The following FARS2 variants were observed in gnomAD, a reference collection of about 807,000 sequenced individuals.
FARS2 encodes the protein phenylalanine--tRNA ligase, mitochondrial.
FARS2 carries 40 observed loss-of-function variants against 46.4 expected under a neutral mutation model. That is an observed-to-expected ratio of 0.86 (90% CI 0.67 to 1.12). The LOEUF (loss-of-function observed/expected upper bound fraction) is 1.12. Ranked by LOEUF, FARS2 falls within the 50% of genes most tolerant of loss-of-function variation. The probability of loss-of-function intolerance (pLI) is 0.00; values close to 1 mark genes in which losing one functional copy is unlikely to be tolerated. For missense variants in FARS2, 513 were observed against 567.9 expected (o/e 0.90, Z 0.98); for synonymous variants, 234 against 214.9 (o/e 1.09, Z -0.78).
At chr6:5,289,968 G>A (rs552419255) in intron 1 of FARS2, among the ~76,000 whole-genome samples, 1 of 152,234 alleles carries the variant, frequency 6.6e-6, no homozygotes, top group East Asian at 1.9e-4. Flanking sequence ...CAAAACAGAA[G>A]GAATTCCACT....
intron 3 of FARS2, among the ~76,000 whole-genome samples, chr6:5,426,290 A>G (rs934621568): frequency 3.9e-5 from 6 of 152,206 alleles, no homozygotes; most frequent in African/African-American, 7.2e-5. Flanking sequence ...ATGAATCCAT[A>G]TGATTTGGAT....
chr6:5,275,437 G>C lies in FARS2; in HGVS notation c.-22+13777G>C, dbSNP rs544284755. 3.0e-4 allele frequency among the ~76,000 whole-genome samples: 46 copies of C among 152,132 alleles called. No homozygotes were observed. The South Asian group carries it at 7.3e-3, about 24-fold the overall frequency. On this transcript the variant is annotated intron_variant, in intron 1 of 6. Transcript: ENST00000274680. ...TACAAAGTAGATCTACATAATAGAA[G>C]GTTCCTGGTTTAATGTTGAGTTCTC...
chr6:5,699,588 A>G (rs1250074929), intron 6 of FARS2, among the ~76,000 whole-genome samples: 1 of 151,450 alleles, frequency 6.6e-6, no homozygotes. Flanking sequence ...GCTCACTGCA[A>G]CCTCCGCCTG....
intron 5 of FARS2, chr6:5,609,894 TA>T (rs1161029769): frequency 2.4e-5 from 24 of 1,011,096 alleles, no homozygotes; most frequent in East Asian, 1.7e-4. Flanking sequence ...TTTTCACAGT[TA>T]AGTGGGCATC....
chr6:5,637,448 C>T (rs1408750978), intron 6 of FARS2, among the ~76,000 whole-genome samples: 2 of 152,162 alleles, frequency 1.3e-5, no homozygotes, highest in Non-Finnish European at 2.9e-5. Context: ...TTTATGAGGC[C>T]ACAGGTAAAG....
At chr6:5,615,879 G>A (rs978426922) in intron 6 of FARS2, among the ~76,000 whole-genome samples, 12 of 151,346 alleles carry the variant, frequency 7.9e-5, no homozygotes, top group Non-Finnish European at 4.4e-5. Context: ...TCATCTCTTC[G>A]ATTTTCTTGT....
At chr6:5,283,692 C>T (rs527447716) in intron 1 of FARS2, among the ~76,000 whole-genome samples, 3 of 152,164 alleles carry the variant, frequency 2.0e-5, no homozygotes, top group Admixed American at 6.5e-5. Flanking sequence ...ATTTATATCG[C>T]ATTTCTAAAA....
At position 5,663,298 on chromosome 6, in the gene FARS2, C is replaced by T. The variant is rs578167665; in HGVS notation, c.1217+49978C>T. On this transcript the variant is annotated intron_variant, in intron 6 of 6. Coordinates refer to ENST00000274680, the MANE Select transcript of FARS2 (RefSeq NM_006567.5). ...TTAGCCAGCTTGGCACAAATAAAAC[C>T]TCTTTCCTTTTCAGCTGTTTTAAAC... Among the ~76,000 whole-genome samples the T allele has an allele frequency of 3.9e-5, 6 of 152,268 alleles. No individual in the cohort carries two copies. The East Asian group carries it at 1.2e-3, about 29-fold the overall frequency.
chr6:5,386,530 A>C (rs1025616560), intron 2 of FARS2, among the ~76,000 whole-genome samples: 2 of 152,190 alleles, frequency 1.3e-5, no homozygotes, highest in African/African-American at 4.8e-5. Context: ...GGTGATGGAA[A>C]GAGTTGTTAG....
At chr6:5,490,029 G>T (rs1004021414) in intron 4 of FARS2, among the ~76,000 whole-genome samples, 1 of 152,246 alleles carries the variant, frequency 6.6e-6, no homozygotes, top group Non-Finnish European at 1.5e-5. Flanking sequence ...ACCCTAAAAA[G>T]CCTCCTTGTG....
rs548137606 is a variant in FARS2 at position 5,586,664 on chromosome 6, T to C, written c.1066-26505T>C. ...GTCTGTACTTTTCTTTCTTTCTTTC[T>C]TTCTTTTGTAGTACCCTTGCCTAAT... is the stretch of plus-strand genomic sequence containing the variant. On this transcript the variant is annotated intron_variant, in intron 5 of 6. Coordinates refer to ENST00000274680, the MANE Select transcript of FARS2 (RefSeq NM_006567.5). Among the ~76,000 whole-genome samples the C allele has an allele frequency of 3.3e-5, 5 of 152,210 alleles. No homozygotes were observed. The East Asian group carries it at 9.6e-4, about 29-fold the overall frequency.
At chr6:5,710,765 C>G (rs1235283042) in intron 6 of FARS2, among the ~76,000 whole-genome samples, 1 of 152,122 alleles carries the variant, frequency 6.6e-6, no homozygotes, top group Non-Finnish European at 1.5e-5. Flanking sequence ...GGGCACTGAT[C>G]GATATATGGG....
intron 6 of FARS2, among the ~76,000 whole-genome samples, chr6:5,644,890 G>A (rs781540795): frequency 1.4e-4 from 21 of 152,256 alleles, no homozygotes; most frequent in Admixed American, 6.5e-4. Flanking sequence ...CTCTGGATAC[G>A]TTTACAAATG....
At chr6:5,460,966 C>CTG (rs567577090) in intron 4 of FARS2, among the ~76,000 whole-genome samples, 2,591 of 149,266 alleles carry the variant, frequency 0.017, 79 homozygotes, top group East Asian at 0.1. Flanking sequence ...CACACCAGGG[C>CTG]TGTGTGTGTG....
intron 5 of FARS2, among the ~76,000 whole-genome samples, chr6:5,562,954 C>T (rs1470595378): frequency 1.3e-5 from 2 of 151,920 alleles, no homozygotes; most frequent in Non-Finnish European, 2.9e-5. Context: ...CAGGCACCTG[C>T]CACCACGCCC....
At chr6:5,577,149 G>GTTAC (rs1442129822) in intron 5 of FARS2, among the ~76,000 whole-genome samples, 1 of 152,130 alleles carries the variant, frequency 6.6e-6, no homozygotes, top group African/African-American at 2.4e-5. Flanking sequence ...CAATTCTGAA[G>GTTAC]TTACCTTCTA....
intron 6 of FARS2, among the ~76,000 whole-genome samples, chr6:5,702,469 C>T (rs1656754034): frequency 6.6e-6 from 1 of 152,152 alleles, no homozygotes; most frequent in African/African-American, 2.4e-5. Flanking sequence ...TAAAATATAA[C>T]TTTAATTTTT....
chr6:5,743,128 C>T (rs908964926), intron 6 of FARS2, among the ~76,000 whole-genome samples: 5 of 152,140 alleles, frequency 3.3e-5, no homozygotes, highest in Admixed American at 6.5e-5. Context: ...AAATCCCTCC[C>T]GGCTGTCATC....
At chr6:5,442,078 G>C (rs1452484349) in intron 4 of FARS2, among the ~76,000 whole-genome samples, 1 of 151,918 alleles carries the variant, frequency 6.6e-6, no homozygotes, top group East Asian at 1.9e-4. Flanking sequence ...CAGCCTGGGT[G>C]GTAGAGTGAG....
Sources: allele counts gnomAD v4.1 joint callset (sites outside exome capture counted in the v4.1 genomes callset), GRCh38; gene constraint gnomAD v4.1.1; transcripts MANE v1.5; gene names NCBI Gene and HGNC (gene_info 2026-07-23, HGNC 2026-07-21).